The following NCKAP5 variants were observed in gnomAD, a reference collection of about 807,000 sequenced individuals.
The protein encoded by NCKAP5 is nck-associated protein 5.
NCKAP5 carries 92 observed loss-of-function variants against 167.0 expected under a neutral mutation model. The ratio of observed to expected loss-of-function variants is 0.55; its 90% CI spans 0.47 to 0.66. The LOEUF is 0.66. NCKAP5 is among the 30% of genes least tolerant of loss of function. The pLI is 0.00. For missense variants in NCKAP5, 2,378 were observed against 2,315.0 expected (o/e 1.03, Z -0.56); for synonymous variants, 891 against 877.4 (o/e 1.02, Z -0.27).
At chr2:133,127,808 G>C (rs1218926667) in intron 6 of NCKAP5, among the ~76,000 whole-genome samples, 1 of 152,178 alleles carries the variant, frequency 6.6e-6, no homozygotes, top group African/African-American at 2.4e-5. Flanking sequence ...GAGACACAAA[G>C]GGAGAGTTGC....
At chr2:133,143,813 A>AT (rs34521607) in intron 5 of NCKAP5, among the ~76,000 whole-genome samples, 32,208 of 148,388 alleles carry the variant, frequency 0.22, 3,535 homozygotes, top group African/African-American at 0.24. Context: ...TCCCAACCAG[A>AT]TTTTTTTTTT....
the NCKAP5 span, among the ~76,000 whole-genome samples, chr2:133,637,650 A>G: frequency 6.6e-6 from 1 of 152,046 alleles, no homozygotes; most frequent in Non-Finnish European, 1.5e-5. Context: ...AGACTATGAA[A>G]GAGAGAATTA....
chr2:133,021,238 T>C (rs80204952), intron 6 of NCKAP5, among the ~76,000 whole-genome samples: 2 of 152,202 alleles, frequency 1.3e-5, no homozygotes, highest in East Asian at 1.9e-4. Context: ...GAAAGAAGCA[T>C]AGACATATTC....
At chr2:133,318,898 A>T (rs1475984601) in intron 3 of NCKAP5, among the ~76,000 whole-genome samples, 1 of 152,136 alleles carries the variant, frequency 6.6e-6, no homozygotes, top group Non-Finnish European at 1.5e-5. Context: ...GACAATTAAG[A>T]TCTAATGCAA....
intron 3 of NCKAP5, among the ~76,000 whole-genome samples, chr2:133,336,160 G>C (rs1277327379): frequency 1.3e-5 from 2 of 152,124 alleles, no homozygotes; most frequent in Non-Finnish European, 2.9e-5. Flanking sequence ...GCAGAGGAAA[G>C]ACAGGTACCA....
intron 5 of NCKAP5, among the ~76,000 whole-genome samples, chr2:133,152,112 A>T (rs1276374417): frequency 6.6e-6 from 1 of 152,188 alleles, no homozygotes; most frequent in Non-Finnish European, 1.5e-5. Context: ...AATGCAGGGT[A>T]GCTCTCTGCC....
At chr2:133,018,076 G>A (rs2078403154) in intron 6 of NCKAP5, among the ~76,000 whole-genome samples, 1 of 152,134 alleles carries the variant, frequency 6.6e-6, no homozygotes, top group South Asian at 2.1e-4. Flanking sequence ...CTCAAGAAGT[G>A]ATTTGTGCTC....
intron 3 of NCKAP5, among the ~76,000 whole-genome samples, chr2:133,316,368 G>A (rs184354451): frequency 6.6e-6 from 1 of 152,264 alleles, no homozygotes; most frequent in Admixed American, 6.5e-5. Flanking sequence ...GTTGGATCTA[G>A]GAACTCTTTT....
intron 6 of NCKAP5, among the ~76,000 whole-genome samples, chr2:133,092,694 T>C (rs1223487972): frequency 2.6e-5 from 4 of 152,196 alleles, no homozygotes. Flanking sequence ...TTATCTACTG[T>C]CCTTCATTAC....
At chr2:133,460,080 A>G (rs946855800) in intron 3 of NCKAP5, among the ~76,000 whole-genome samples, 1 of 152,202 alleles carries the variant, frequency 6.6e-6, no homozygotes, top group Non-Finnish European at 1.5e-5. Flanking sequence ...GCTTAGTTTT[A>G]TGATTTTAAA....
At chr2:133,567,709 A>C (rs1178475111) in intron 1 of NCKAP5, among the ~76,000 whole-genome samples, 1 of 104,294 alleles carries the variant, frequency 9.6e-6, no homozygotes, top group Non-Finnish European at 2.2e-5. Context: ...GTTTGGGGAG[A>C]GAGTGTAGGT....
At chr2:133,037,986 C>T (rs754028574) in intron 6 of NCKAP5, among the ~76,000 whole-genome samples, 8 of 151,990 alleles carry the variant, frequency 5.3e-5, no homozygotes, top group African/African-American at 9.7e-5. Context: ...GTGAGGATGT[C>T]AACAAAAGAG....
intron 11 of NCKAP5, among the ~76,000 whole-genome samples, chr2:132,856,700 C>T (rs777211245): frequency 6.6e-6 from 1 of 152,080 alleles, no homozygotes; most frequent in Admixed American, 6.5e-5. Context: ...TCTTAGATGC[C>T]GCATTTCAGA....
At chr2:133,219,247 G>A (rs911146978) in intron 4 of NCKAP5, among the ~76,000 whole-genome samples, 1 of 152,176 alleles carries the variant, frequency 6.6e-6, no homozygotes, top group Admixed American at 6.5e-5. Flanking sequence ...CCCAACCCCA[G>A]CCCGGCTGCT....
intron 5 of NCKAP5, among the ~76,000 whole-genome samples, chr2:133,142,510 T>A (rs2083038891): frequency 6.6e-6 from 1 of 152,136 alleles, no homozygotes; most frequent in Non-Finnish European, 1.5e-5. Context: ...TGTAATCTCC[T>A]GGTCTCTCCC....
Position 132,785,225 on chromosome 2 carries a change from T to C in NCKAP5, c.1586A>G (p.Tyr529Cys). 1 of 1,572,148 alleles carries C rather than the reference T, an allele frequency of 6.4e-7. No individual in the cohort carries two copies. Among genetic ancestry groups the C allele is most frequent in the Non-Finnish European group, 8.6e-7 (1 of 1,160,654 alleles). ...CAGCTTTTCAGGCCTTTCCTTGGGATAAACTGAGGATGTGCCTTCCAGAAA... is the reference window on the plus strand; with the variant it reads ...CAGCTTTTCAGGCCTTTCCTTGGGACAAACTGAGGATGTGCCTTCCAGAAA... ...KHFLEGTSSV[Y>C]PKERPEKLTS... Residue 529 changes from tyrosine to cysteine, a missense_variant, in exon 14 of 20, where the codon TAT becomes TGT. This residue lies in a region of NCKAP5 where 1,049 missense variants were observed against 1,023.4 expected (regional missense o/e 1.02). Coordinates refer to ENST00000409261, the MANE Select transcript of NCKAP5 (RefSeq NM_207363.3).
chr2:132,906,761 T>C (rs1279041183), intron 8 of NCKAP5, among the ~76,000 whole-genome samples: 2 of 152,202 alleles, frequency 1.3e-5, no homozygotes, highest in South Asian at 4.1e-4. Flanking sequence ...TCAAACTCTT[T>C]ATTACAGTTG....
intron 5 of NCKAP5, among the ~76,000 whole-genome samples, chr2:133,158,782 T>C (rs1420438188): frequency 5.3e-5 from 8 of 152,146 alleles, no homozygotes. Flanking sequence ...CACAATATCA[T>C]GCCTCATTGA....
chr2:132,761,082 C>T (rs1172215604), intron 16 of NCKAP5, among the ~76,000 whole-genome samples: 3 of 152,086 alleles, frequency 2.0e-5, no homozygotes, highest in African/African-American at 7.2e-5. Context: ...GTTAAGACAG[C>T]GTTAAGGCTG....
Sources: allele counts gnomAD v4.1 joint callset (sites outside exome capture counted in the v4.1 genomes callset), GRCh38; gene constraint gnomAD v4.1.1; regional missense constraint gnomAD v4.1.1; transcripts MANE v1.5; gene names NCBI Gene and HGNC (gene_info 2026-07-23, HGNC 2026-07-21).